The following CFAP92 variants were observed in gnomAD, a reference collection of about 807,000 sequenced individuals.
The protein encoded by CFAP92 is cilia and flagella associated protein 92 (putative), also known as uncharacterized protein CFAP92.
In CFAP92, 86 loss-of-function variants were observed where a neutral mutation model predicts 106.3. The observed-to-expected ratio is 0.81, with a 90% CI of 0.68 to 0.97. The LOEUF (loss-of-function observed/expected upper bound fraction) is 0.97, where lower values mean the gene tolerates loss of function less well. Among genes scored for constraint, CFAP92 ranks in the 50% least tolerant of loss-of-function variants. CFAP92 has a pLI of 0.00. For missense variants in CFAP92, 1,204 were observed against 1,283.8 expected (o/e 0.94, Z 0.95); for synonymous variants, 477 against 506.4 (o/e 0.94, Z 0.78).
Position 128,976,983 on chromosome 3 carries a change from T to C in CFAP92, c.892A>G (p.Ile298Val), listed in dbSNP as rs746804855. The C allele has an allele frequency of 2.5e-6, 4 of 1,613,128 alleles. No individual in the cohort carries two copies. The highest frequency in any genetic ancestry group is 3.4e-6 in the Non-Finnish European group (4 of 1,179,098). Residue 298 changes from isoleucine (I) to valine (V), a missense_variant, in exon 6 of 16, where the codon ATT (isoleucine) becomes GTT (valine). By Grantham distance (29) the Ile-to-Val change is conservative (BLOSUM62 3). Coordinates refer to ENST00000645291, the MANE Select transcript of CFAP92 (RefSeq NM_001394090.1). Reference protein sequence around the residue: ...KSLKMDDSSTIQWSVSRTPTI... With the variant: ...KSLKMDDSSTVQWSVSRTPTI... ...AAAATATCGTTCAATCCTTACTGAATCGTGGAAGAATCGTCCATTTTGAGG... is the reference window on the plus strand; with the variant it reads ...AAAATATCGTTCAATCCTTACTGAACCGTGGAAGAATCGTCCATTTTGAGG...
chr3:129,001,992 G>A (rs1231486948), intron 1 of CFAP92: 2 of 1,545,856 alleles, frequency 1.3e-6, no homozygotes, highest in Non-Finnish European at 1.7e-6. Flanking sequence ...CACGGACGGG[G>A]ACTCAGATAC....
Position 128,971,284 on chromosome 3 carries a change from T to A in CFAP92, c.1168+3A>T. The A allele has an allele frequency of 6.2e-7, 1 of 1,613,734 alleles. No homozygotes were observed. On this transcript the variant is annotated splice_donor_region_variant and intron_variant, in intron 8 of 15. Transcript: ENST00000645291. ...TGCTGGGAACAGGGCAAGCAGTGGG[T>A]ACCGGCAAGGAGCGGCATGACGGCC...
At chr3:128,973,161 A>C (rs1942922505) in intron 7 of CFAP92, among the ~76,000 whole-genome samples, 1 of 152,236 alleles carries the variant, frequency 6.6e-6, no homozygotes, top group Non-Finnish European at 1.5e-5. Context: ...CCAGATGTAA[A>C]CACAAAGCTG....
At chr3:129,002,451 C>A (rs1944836310) in intron 1 of CFAP92, 2 of 1,389,462 alleles carry the variant, frequency 1.4e-6, no homozygotes, top group Admixed American at 6.5e-5. Flanking sequence ...CCCACACCAT[C>A]CCACTCCGCA....
chr3:128,952,736 G>A (rs907279902), intron 9 of CFAP92, among the ~76,000 whole-genome samples: 4 of 152,076 alleles, frequency 2.6e-5, no homozygotes, highest in African/African-American at 9.7e-5. Context: ...AGCCATGATA[G>A]TGCCATTGTA....
the CFAP92 span, among the ~76,000 whole-genome samples, chr3:129,023,630 C>T: frequency 6.6e-6 from 1 of 152,206 alleles, no homozygotes; most frequent in Non-Finnish European, 1.5e-5. Context: ...CCGCGCCTGG[C>T]CACCTCTTGA....
At chr3:129,010,453 C>A in the CFAP92 span, among the ~76,000 whole-genome samples, 2 of 136,780 alleles carry the variant, frequency 1.5e-5, no homozygotes, top group Non-Finnish European at 3.1e-5. The surrounding 1 kb of genome is among the most constrained non-coding windows in gnomAD (Gnocchi z 4.3). Context: ...AGAGGCCTGG[C>A]GGCCTGGCCT....
intron 4 of CFAP92, among the ~76,000 whole-genome samples, chr3:128,985,460 C>T (rs551351715): frequency 6.6e-6 from 1 of 152,282 alleles, no homozygotes; most frequent in East Asian, 1.9e-4. Flanking sequence ...GTGAGACTGT[C>T]TCAATCAATC....
chr3:128,950,694 T>G (rs921166547), intron 9 of CFAP92, among the ~76,000 whole-genome samples: 7 of 152,152 alleles, frequency 4.6e-5, no homozygotes, highest in African/African-American at 1.7e-4. Context: ...CAGGGGGTGC[T>G]CAACTCCTCC....
chr3:129,000,372 C>A (rs1463883938), intron 1 of CFAP92, among the ~76,000 whole-genome samples: 1 of 152,186 alleles, frequency 6.6e-6, no homozygotes, highest in African/African-American at 2.4e-5. Flanking sequence ...CGTGCTGATT[C>A]TGGGATACTG....
chr3:129,012,018 G>A, the CFAP92 span, among the ~76,000 whole-genome samples: 2 of 152,236 alleles, frequency 1.3e-5, no homozygotes, highest in African/African-American at 2.4e-5. Flanking sequence ...CTTCCCACAG[G>A]TGGGTTGGAA....
chr3:128,924,037 C>T (rs535069143), intron 12 of CFAP92, among the ~76,000 whole-genome samples: 1 of 152,212 alleles, frequency 6.6e-6, no homozygotes, highest in African/African-American at 2.4e-5. Flanking sequence ...TCTGCAGATG[C>T]GGAAGCCACC....
intron 12 of CFAP92, among the ~76,000 whole-genome samples, chr3:128,919,692 TG>T (rs1937109397): frequency 6.6e-6 from 1 of 152,172 alleles, no homozygotes; most frequent in Non-Finnish European, 1.5e-5. Context: ...AATTTGCACA[TG>T]GATAAGGCAG....
At chr3:128,988,482 G>T (rs1944000321) in intron 3 of CFAP92, among the ~76,000 whole-genome samples, 1 of 152,010 alleles carries the variant, frequency 6.6e-6, no homozygotes, top group African/African-American at 2.4e-5. Flanking sequence ...AGAGGTTGTG[G>T]TGAGCAAAGA....
chr3:128,935,097 G>A, intron 11 of CFAP92, 28 bp downstream of exon 11: 2 of 1,490,310 alleles, frequency 1.3e-6, no homozygotes, highest in African/African-American at 1.4e-5. Context: ...CCGGGGCGCA[G>A]GACCACATGC....
chr3:128,966,307 A>G (rs1942358129), intron 8 of CFAP92, among the ~76,000 whole-genome samples: 1 of 152,208 alleles, frequency 6.6e-6, no homozygotes, highest in Non-Finnish European at 1.5e-5. Flanking sequence ...TACTGGATGG[A>G]GTGCTCCAGG....
At chr3:128,999,370 C>T (rs1037199763) in intron 1 of CFAP92, among the ~76,000 whole-genome samples, 1 of 152,000 alleles carries the variant, frequency 6.6e-6, no homozygotes, top group African/African-American at 2.4e-5. Flanking sequence ...GCAACGGCTC[C>T]CAGCAAGACA....
chr3:128,912,122 T>G (rs896224462), intron 15 of CFAP92, among the ~76,000 whole-genome samples: 1 of 152,170 alleles, frequency 6.6e-6, no homozygotes, highest in African/African-American at 2.4e-5. Flanking sequence ...TGGCATATGA[T>G]TTTTTGCAGG....
upstream of CFAP92, among the ~76,000 whole-genome samples, chr3:129,006,792 C>T (rs1228116140): frequency 6.6e-6 from 1 of 152,172 alleles, no homozygotes. Context: ...AGAAACATGC[C>T]TTCAACCCTA....
Sources: gnomAD v4.1 joint callset for allele counts (sites outside exome capture counted in the v4.1 genomes callset) on GRCh38, gnomAD v4.1.1 for gene constraint, Gnocchi (gnomAD v3.1) non-coding constraint, MANE v1.5 for transcripts, NCBI Gene and HGNC (gene_info 2026-07-23, HGNC 2026-07-21) for gene names.